The following SLC27A6 variants were observed in gnomAD, a reference collection of about 807,000 sequenced individuals.
SLC27A6 encodes solute carrier family 27 member 6.
SLC27A6 carries 74 observed loss-of-function variants against 63.9 expected under a neutral mutation model. That is an observed-to-expected ratio of 1.16 (90% confidence interval 0.96 to 1.40). The LOEUF is 1.40. Ranked by LOEUF, SLC27A6 falls within the 40% of genes most tolerant of loss-of-function variation. The probability of loss-of-function intolerance (pLI) is 0.00; values close to 1 mark genes in which losing one functional copy is unlikely to be tolerated. For missense variants in SLC27A6, 794 were observed against 732.9 expected, an observed-to-expected ratio of 1.08 and a Z score of -0.96; for synonymous variants, 287 against 260.8, an observed-to-expected ratio of 1.10 and a Z score of -0.97.
intron 4 of SLC27A6, among the ~76,000 whole-genome samples, chr5:128,997,274 ATTT>A: frequency 6.6e-6 from 1 of 152,152 alleles, no homozygotes; most frequent in Admixed American, 6.5e-5. Context: ...AGTTAAAGAC[ATTT>A]ATATATTTTT....
chr5:128,966,170 T>C lies in SLC27A6; in HGVS notation c.33T>C (p.Ala11=). ...TGTCATGGCTAACAGTTCTAGGGGCTGGAATGGTCGTCCTGCACTTCTTGC... is the reference window on the plus strand; with the variant it reads ...TGTCATGGCTAACAGTTCTAGGGGCCGGAATGGTCGTCCTGCACTTCTTGC... MLLSWLTVLG[A]GMVVLHFLQK... is the part of the protein sequence containing the mutation. The change falls in exon 1 of 10, where the codon GCT becomes GCC. Residue 11 remains alanine, a synonymous_variant. Transcript: ENST00000262462. 1 of 1,575,074 alleles carries C rather than the reference T, an allele frequency of 6.3e-7. No individual in the cohort carries two copies. The highest frequency in any genetic ancestry group is 8.6e-7 in the Non-Finnish European group (1 of 1,162,656).
chr5:128,999,602 A>C (rs991345853), intron 4 of SLC27A6, among the ~76,000 whole-genome samples: 3 of 152,090 alleles, frequency 2.0e-5, no homozygotes, highest in African/African-American at 4.8e-5. Flanking sequence ...ATCTTACCTC[A>C]AAAATAGCCA....
At chr5:129,004,099 C>T (rs1291564548) in intron 4 of SLC27A6, among the ~76,000 whole-genome samples, 3 of 151,992 alleles carry the variant, frequency 2.0e-5, no homozygotes, top group Non-Finnish European at 1.5e-5. Flanking sequence ...ATGTTTAGGC[C>T]CAGTTAGCCA....
At chr5:128,973,889 A>T (rs902636819) in intron 1 of SLC27A6, among the ~76,000 whole-genome samples, 1 of 152,218 alleles carries the variant, frequency 6.6e-6, no homozygotes, top group Non-Finnish European at 1.5e-5. Context: ...TGCTGTTCCT[A>T]TTCAGCTATC....
In SLC27A6 at chr5:128,985,343, T is replaced by C. The variant is rs769193905; in HGVS notation, c.685+7T>C. The C allele has an allele frequency of 1.9e-6, 3 of 1,611,854 alleles. No homozygotes were observed. The highest frequency in any genetic ancestry group is 2.5e-6 in the Non-Finnish European group (3 of 1,178,182). On this transcript the variant is annotated splice_region_variant and intron_variant, in intron 2 of 9. Transcript: ENST00000262462. ...TTTACCTCTGGAACAACAGGTATGA[T>C]CCAATTCTTTTGAAGGCTAAAATGA...
intron 2 of SLC27A6, among the ~76,000 whole-genome samples, chr5:128,987,800 A>G (rs990394896): frequency 2.6e-5 from 4 of 152,124 alleles, no homozygotes; most frequent in African/African-American, 9.6e-5. Flanking sequence ...ACACAAATAA[A>G]TGTAACAGAA....
At chr5:128,980,168 CTCATCATCA>C (rs979801066) in intron 1 of SLC27A6, among the ~76,000 whole-genome samples, 1 of 151,930 alleles carries the variant, frequency 6.6e-6, no homozygotes, top group Non-Finnish European at 1.5e-5. Context: ...ATTGTATGTC[CTCATCATCA>C]TCATCATCAT....
At chr5:129,016,187 T>C in intron 5 of SLC27A6, 108 bp downstream of exon 5, 2 of 724,926 alleles carry the variant, frequency 2.8e-6, no homozygotes, top group East Asian at 5.6e-5. Context: ...GGTCAGGAGA[T>C]CGAGACCATC....
In SLC27A6 at chr5:128,999,233, T is replaced by C. The variant is rs145035715; in HGVS notation, c.969+8769T>C. 2.8e-3 allele frequency among the ~76,000 whole-genome samples: 419 copies of C among 152,292 alleles called. 1 individual carries two copies. The highest frequency in any genetic ancestry group is 9.5e-3 in the African/African-American group (395 of 41,560). On this transcript the variant is annotated intron_variant, in intron 4 of 9. Transcript: ENST00000262462. ...TTCACAAGATTTTTTTATTATCATA[T>C]TGAATATGCCAAAACTGAAGATGTA...
At chr5:129,008,749 T>C (rs1296151091) in intron 4 of SLC27A6, among the ~76,000 whole-genome samples, 1 of 152,170 alleles carries the variant, frequency 6.6e-6, no homozygotes, top group Admixed American at 6.5e-5. Flanking sequence ...AGATGGAGTC[T>C]TTTCTCCATT....
intron 4 of SLC27A6, among the ~76,000 whole-genome samples, chr5:129,006,672 C>G (rs1751551917): frequency 6.6e-6 from 1 of 152,048 alleles, no homozygotes; most frequent in Non-Finnish European, 1.5e-5. Flanking sequence ...AGAAATATCT[C>G]AATAATCTGT....
At chr5:129,002,488 CG>C (rs1561623130) in intron 4 of SLC27A6, among the ~76,000 whole-genome samples, 1 of 55,814 alleles carries the variant, frequency 1.8e-5, no homozygotes, top group Non-Finnish European at 3.9e-5. Flanking sequence ...TTCCCTCTCT[CG>C]TTCCTTCCCT....
intron 4 of SLC27A6, among the ~76,000 whole-genome samples, chr5:128,993,646 G>T (rs1751049321): frequency 6.6e-6 from 1 of 151,898 alleles, no homozygotes; most frequent in Non-Finnish European, 1.5e-5. Context: ...TTTTCATATT[G>T]ATTACAAATC....
At chr5:128,992,739 A>G (rs188317607) in intron 4 of SLC27A6, among the ~76,000 whole-genome samples, 161 of 152,304 alleles carry the variant, frequency 1.1e-3, no homozygotes, top group African/African-American at 3.6e-3. Flanking sequence ...TGGTAATGTG[A>G]TATCTGGACT....
At chr5:129,001,632 T>A (rs6890195) in intron 4 of SLC27A6, among the ~76,000 whole-genome samples, 2,932 of 152,318 alleles carry the variant, frequency 0.019, 98 homozygotes, top group African/African-American at 0.067. Flanking sequence ...CAGAAATGAT[T>A]TGCTTCTTTG....
At chr5:129,005,145 GT>G (rs946883034) in intron 4 of SLC27A6, among the ~76,000 whole-genome samples, 34 of 151,168 alleles carry the variant, frequency 2.2e-4, no homozygotes, top group Admixed American at 9.2e-4. Flanking sequence ...ATAAACAGCT[GT>G]TTTTTTTTAA....
chr5:128,977,781 G>A (rs538033205), intron 1 of SLC27A6, among the ~76,000 whole-genome samples: 160 of 152,162 alleles, frequency 1.1e-3, no homozygotes, highest in African/African-American at 3.5e-3. Flanking sequence ...CTTTAAAATG[G>A]CAAGTATTCT....
At chr5:128,978,734 A>G (rs1056971154) in intron 1 of SLC27A6, among the ~76,000 whole-genome samples, 1 of 152,238 alleles carries the variant, frequency 6.6e-6, no homozygotes, top group African/African-American at 2.4e-5. Context: ...TTGAAGCTAC[A>G]TGGAAATGCC....
intron 4 of SLC27A6, among the ~76,000 whole-genome samples, chr5:129,014,221 G>C (rs1298759933): frequency 2.6e-5 from 4 of 152,176 alleles, no homozygotes; most frequent in African/African-American, 9.7e-5. Flanking sequence ...GCATCTCTAA[G>C]CAAAGAGCTT....
Sources: gnomAD v4.1 joint callset for allele counts (sites outside exome capture counted in the v4.1 genomes callset) on GRCh38, gnomAD v4.1.1 for gene constraint, MANE v1.5 for transcripts, NCBI Gene and HGNC (gene_info 2026-07-23, HGNC 2026-07-21) for gene names.